The following EBF1 variants were observed in gnomAD, a reference collection of about 807,000 sequenced individuals.
The protein encoded by EBF1 is transcription factor COE1.
Under a neutral mutation model 68.4 loss-of-function variants are expected in EBF1, and 10 were observed. The observed-to-expected ratio is 0.15, with a 90% confidence interval of 0.09 to 0.25. The LOEUF (loss-of-function observed/expected upper bound fraction) is 0.25. EBF1 is among the 10% of genes least tolerant of loss of function. The pLI is 1.00. For missense variants in EBF1, 509 were observed against 794.4 expected (o/e 0.64, Z 4.32); for synonymous variants, 298 against 299.8 (o/e 0.99, Z 0.06).
intron 6 of EBF1, among the ~76,000 whole-genome samples, chr5:158,978,110 G>A (rs569240800): frequency 1.3e-5 from 2 of 152,338 alleles, no homozygotes; most frequent in East Asian, 3.9e-4. Flanking sequence ...GATGGGCCTT[G>A]GCCATACAGG....
intron 7 of EBF1, among the ~76,000 whole-genome samples, chr5:158,824,277 T>G (rs1425084695): frequency 1.3e-5 from 2 of 152,246 alleles, no homozygotes; most frequent in African/African-American, 4.8e-5. Context: ...TGTTGACTAA[T>G]TAACTTTGCT....
rs1397445349 is a variant in EBF1, at chr5:158,956,014, TTAAA to T, written c.555-115908_555-115905del. Among the ~76,000 whole-genome samples, 4 of 149,538 alleles carry T rather than the reference TTAAA, an allele frequency of 2.7e-5. No homozygotes were observed. The East Asian group carries it at 5.9e-4, about 22-fold the overall frequency. On this transcript the variant is annotated intron_variant, in intron 6 of 15. Transcript: ENST00000313708. The stretch of plus-strand genomic sequence containing the variant: ...TTGAATATGCCAGATACTGCATTAA[TTAAA>T]TAAATATAAATGTGTGTGTGTGTGT...
At chr5:158,702,095 G>A (rs1756887510) in intron 15 of EBF1, among the ~76,000 whole-genome samples, 1 of 152,152 alleles carries the variant, frequency 6.6e-6, no homozygotes, top group African/African-American at 2.4e-5. Context: ...TAAACTCCAA[G>A]GGCAGAACCC....
At chr5:158,891,290 A>G in intron 6 of EBF1, among the ~76,000 whole-genome samples, 1 of 152,212 alleles carries the variant, frequency 6.6e-6, no homozygotes, top group East Asian at 1.9e-4. Flanking sequence ...AACTAAGTGC[A>G]GTGGTCTCTG....
At chr5:158,866,549 C>A (rs1026600919) in intron 6 of EBF1, among the ~76,000 whole-genome samples, 2 of 151,874 alleles carry the variant, frequency 1.3e-5, no homozygotes, top group African/African-American at 4.8e-5. Context: ...GAGCCAGTGT[C>A]CCGCAATTCA....
intron 6 of EBF1, among the ~76,000 whole-genome samples, chr5:158,895,829 A>G (rs950852115): frequency 2.0e-5 from 3 of 152,214 alleles, no homozygotes; most frequent in Admixed American, 6.5e-5. Context: ...AATGCAACTC[A>G]ACTTCCAAGT....
intron 10 of EBF1, among the ~76,000 whole-genome samples, chr5:158,759,958 A>G (rs1771040173): frequency 1.3e-5 from 2 of 152,276 alleles, no homozygotes; most frequent in East Asian, 1.9e-4. Context: ...CAAAATATTC[A>G]TGTTTCCTCA....
intron 6 of EBF1, among the ~76,000 whole-genome samples, chr5:158,980,744 G>A (rs1235068756): frequency 1.3e-5 from 2 of 152,112 alleles, no homozygotes; most frequent in South Asian, 4.1e-4. Flanking sequence ...TGCTACTGAA[G>A]GTGTCTCTAT....
intron 6 of EBF1, among the ~76,000 whole-genome samples, chr5:158,867,606 T>G (rs1304699850): frequency 6.6e-6 from 1 of 151,938 alleles, no homozygotes; most frequent in East Asian, 1.9e-4. Flanking sequence ...TCAATCTGCA[T>G]ACAAGGTCAC....
intron 10 of EBF1, among the ~76,000 whole-genome samples, chr5:158,762,720 A>G (rs1771750336): frequency 6.6e-6 from 1 of 152,146 alleles, no homozygotes; most frequent in Non-Finnish European, 1.5e-5. Flanking sequence ...TATTTTTAGT[A>G]GAGACGGGGT....
intron 6 of EBF1, among the ~76,000 whole-genome samples, chr5:158,911,069 T>C (rs1204426204): frequency 6.6e-6 from 1 of 152,148 alleles, no homozygotes; most frequent in Non-Finnish European, 1.5e-5. Flanking sequence ...CCATGTACCA[T>C]AGTCTCCTTT....
chr5:158,771,166 T>C (rs1184058005), intron 10 of EBF1, among the ~76,000 whole-genome samples: 1 of 152,130 alleles, frequency 6.6e-6, no homozygotes, highest in Non-Finnish European at 1.5e-5. Context: ...AACATCAAAC[T>C]CTAATGACAA....
At chr5:159,099,150 A>G (rs1394865412) in intron 1 of EBF1, among the ~76,000 whole-genome samples, 195 bp downstream of exon 1, 1 of 152,190 alleles carries the variant, frequency 6.6e-6, no homozygotes, top group East Asian at 1.9e-4. Flanking sequence ...AGACAGCTCC[A>G]GGTCCTCCGG....
At chr5:158,996,776 C>T (rs553669101) in intron 6 of EBF1, among the ~76,000 whole-genome samples, 6 of 152,306 alleles carry the variant, frequency 3.9e-5, no homozygotes, top group African/African-American at 1.4e-4. Flanking sequence ...TAAAAGAAGG[C>T]TCACATCTTA....
At chr5:158,868,032 C>G (rs1796248717) in intron 6 of EBF1, among the ~76,000 whole-genome samples, 1 of 151,804 alleles carries the variant, frequency 6.6e-6, no homozygotes, top group Non-Finnish European at 1.5e-5. Flanking sequence ...TCTGGAAATT[C>G]TTTATGTAGT....
chr5:159,053,403 A>G (rs989585734), intron 6 of EBF1, among the ~76,000 whole-genome samples: 11 of 152,204 alleles, frequency 7.2e-5, no homozygotes, highest in African/African-American at 1.9e-4. Context: ...CAAAACGCCA[A>G]TGCCAGTCAC....
intron 6 of EBF1, among the ~76,000 whole-genome samples, chr5:159,045,337 G>A (rs980389354): frequency 6.6e-6 from 1 of 151,860 alleles, no homozygotes; most frequent in African/African-American, 2.4e-5. Flanking sequence ...CAGAAGAGAA[G>A]TTATACACAG....
chr5:159,033,342 T>C (rs1037715656), intron 6 of EBF1, among the ~76,000 whole-genome samples: 1 of 152,196 alleles, frequency 6.6e-6, no homozygotes, highest in Non-Finnish European at 1.5e-5. Flanking sequence ...TCAACAAACA[T>C]AGTTAGCTCT....
intron 9 of EBF1, among the ~76,000 whole-genome samples, chr5:158,788,669 T>C (rs532228000): frequency 1.3e-5 from 2 of 152,270 alleles, no homozygotes; most frequent in South Asian, 2.1e-4. Context: ...TAAATATTCA[T>C]TTTCTTCATA....
Sources: gnomAD v4.1 joint callset for allele counts (sites outside exome capture counted in the v4.1 genomes callset) on GRCh38, gnomAD v4.1.1 for gene constraint, MANE v1.5 for transcripts, NCBI Gene and HGNC (gene_info 2026-07-23, HGNC 2026-07-21) for gene names.